Variants in NOX4 observed in about 807,000 individuals in gnomAD.
NOX4 encodes the protein kidney oxidase-1.
In NOX4, 69 loss-of-function variants were observed where a neutral mutation model predicts 87.6. That is an observed-to-expected ratio of 0.79 (90% CI 0.65 to 0.96). The LOEUF (loss-of-function observed/expected upper bound fraction) is 0.96. NOX4 is among the 40% of genes least tolerant of loss of function. The probability of loss-of-function intolerance (pLI) is 0.00; values close to 1 mark genes in which losing one functional copy is unlikely to be tolerated. For synonymous variants in NOX4, 275 were observed against 238.2 expected, an observed-to-expected ratio of 1.15 and a Z score of -1.42; for missense variants, 680 against 681.5, an observed-to-expected ratio of 1.00 and a Z score of 0.02.
intron 11 of NOX4, among the ~76,000 whole-genome samples, chr11:89,383,450 C>A (rs1215826438): frequency 1.3e-5 from 2 of 152,222 alleles, no homozygotes; most frequent in African/African-American, 2.4e-5. Context: ...GGCTTAGTGA[C>A]TGAAGACTAA....
chr11:89,337,637 A>G, intron 15 of NOX4, 122 bp from the exon 16 acceptor site: 7 of 1,350,262 alleles, frequency 5.2e-6, no homozygotes, highest in African/African-American at 1.5e-5. Flanking sequence ...GTCAATATCT[A>G]TAAGAAAATG....
At chr11:89,405,080 T>TTGTG (rs71472257) in intron 8 of NOX4, among the ~76,000 whole-genome samples, 1,700 of 133,280 alleles carry the variant, frequency 0.013, 30 homozygotes, top group South Asian at 0.044. Flanking sequence ...AAAAGTCAGA[T>TTGTG]TGTGTGTGTG....
chr11:89,460,852 T>G (rs147185158), intron 2 of NOX4, among the ~76,000 whole-genome samples: 3,397 of 152,248 alleles, frequency 0.022, 137 homozygotes, highest in African/African-American at 0.078. Context: ...TAAAGACACA[T>G]GCACACGTAT....
intron 7 of NOX4, among the ~76,000 whole-genome samples, chr11:89,426,102 A>G (rs979439708): frequency 2.0e-5 from 3 of 152,206 alleles, no homozygotes; most frequent in African/African-American, 7.2e-5. Flanking sequence ...CTTAACTATA[A>G]GAATCAATAT....
chr11:89,409,581 A>T (rs1271130018), intron 8 of NOX4, among the ~76,000 whole-genome samples: 2 of 151,814 alleles, frequency 1.3e-5, no homozygotes, highest in East Asian at 3.8e-4. Flanking sequence ...ACTGGCTTAC[A>T]GCATAAAATA....
chr11:89,519,751 A>T, the NOX4 span, among the ~76,000 whole-genome samples: 2 of 152,048 alleles, frequency 1.3e-5, no homozygotes, highest in Admixed American at 6.6e-5. Flanking sequence ...AAGAGTGTGT[A>T]TTTCAAATAT....
chr11:89,365,379 C>G (rs1193137749), intron 12 of NOX4, among the ~76,000 whole-genome samples: 1 of 151,550 alleles, frequency 6.6e-6, no homozygotes, highest in Non-Finnish European at 1.5e-5. Context: ...ATGCCTAGAA[C>G]TGGATTTCTT....
At chr11:89,419,115 A>G (rs1942951118) in intron 8 of NOX4, among the ~76,000 whole-genome samples, 1 of 152,096 alleles carries the variant, frequency 6.6e-6, no homozygotes, top group Non-Finnish European at 1.5e-5. Flanking sequence ...CAAATCAATG[A>G]TCAATGCTGG....
rs576227013 is a variant in NOX4 at position 89,398,310 on chromosome 11, C to T, written c.1074+1707G>A. Among the ~76,000 whole-genome samples, 7 of 152,100 alleles carry T rather than the reference C, an allele frequency of 4.6e-5. No homozygotes were observed. In the South Asian group the frequency reaches 6.2e-4, roughly 14 times the overall value. On this transcript the variant is annotated intron_variant, in intron 11 of 17. Coordinates refer to ENST00000263317, the MANE Select transcript of NOX4 (RefSeq NM_016931.5). ...CTCAATAAACTAGATATTGATGGAACGTATCTCAAAATAATAAGAGCTATT... is the reference window on the plus strand; with the variant it reads ...CTCAATAAACTAGATATTGATGGAATGTATCTCAAAATAATAAGAGCTATT...
chr11:89,364,346 TG>T (rs1469881151), intron 12 of NOX4, among the ~76,000 whole-genome samples: 1 of 152,078 alleles, frequency 6.6e-6, no homozygotes, highest in Non-Finnish European at 1.5e-5. Context: ...ATATTACATA[TG>T]TAGACAAATC....
intron 12 of NOX4, among the ~76,000 whole-genome samples, chr11:89,356,393 G>T (rs1208071913): frequency 6.8e-6 from 1 of 146,486 alleles, no homozygotes; most frequent in African/African-American, 2.6e-5. Context: ...ATGAAGAAAA[G>T]AGAGAAAATA....
At chr11:89,537,838 A>G in the NOX4 span, among the ~76,000 whole-genome samples, 3 of 152,138 alleles carry the variant, frequency 2.0e-5, no homozygotes, top group Admixed American at 2.0e-4. Flanking sequence ...AGCACATACG[A>G]CATAAAAGAT....
intron 11 of NOX4, among the ~76,000 whole-genome samples, chr11:89,391,664 C>G (rs1941134204): frequency 6.7e-6 from 1 of 150,086 alleles, no homozygotes; most frequent in South Asian, 2.1e-4. Context: ...GAGGCTAAAC[C>G]CAGGTGTCCA....
At chr11:89,518,990 T>C in the NOX4 span, among the ~76,000 whole-genome samples, 3 of 152,102 alleles carry the variant, frequency 2.0e-5, no homozygotes, top group African/African-American at 7.2e-5. Context: ...TAGGACTGCA[T>C]TACATTGCAT....
At chr11:89,505,903 T>C in the NOX4 span, among the ~76,000 whole-genome samples, 7 of 151,828 alleles carry the variant, frequency 4.6e-5, no homozygotes, top group African/African-American at 1.7e-4. Flanking sequence ...TTCAAGACAT[T>C]GGACATGAAG....
intron 2 of NOX4, among the ~76,000 whole-genome samples, chr11:89,464,896 A>G (rs1033648393): frequency 6.6e-6 from 1 of 152,198 alleles, no homozygotes; most frequent in Non-Finnish European, 1.5e-5. Context: ...CACCAATGTG[A>G]TGGTATTTGG....
chr11:89,492,534 A>T (rs1452675837), upstream of NOX4, among the ~76,000 whole-genome samples: 1 of 152,236 alleles, frequency 6.6e-6, no homozygotes, highest in Non-Finnish European at 1.5e-5. Flanking sequence ...TGCAGTCCTC[A>T]GTTTTAAAAA....
chr11:89,468,417 C>G lies in NOX4; in HGVS notation c.154-16522G>C, dbSNP rs557045197. ...TTTGTGCACCAATATTCAGTACATT[C>G]TTGACAAAAGGTCATTGCCCAGAGC... On this transcript the variant is annotated intron_variant, in intron 2 of 17. Transcript: ENST00000263317. 7.2e-5 allele frequency among the ~76,000 whole-genome samples: 11 copies of G among 152,338 alleles called. No individual in the cohort carries two copies. In the South Asian group the frequency reaches 2.3e-3, roughly 32 times the overall value.
At chr11:89,586,748 C>A in the NOX4 span, among the ~76,000 whole-genome samples, 1 of 152,052 alleles carries the variant, frequency 6.6e-6, no homozygotes, top group African/African-American at 2.4e-5. Flanking sequence ...GCAGATAAAA[C>A]AACACTTCAC....
Sources: gnomAD v4.1 joint callset for allele counts (sites outside exome capture counted in the v4.1 genomes callset) on GRCh38, gnomAD v4.1.1 for gene constraint, MANE v1.5 for transcripts, NCBI Gene and HGNC (gene_info 2026-07-23, HGNC 2026-07-21) for gene names.